ANKS1B: variants seen among roughly 807,000 people sequenced by gnomAD.
ANKS1B encodes the protein ankyrin repeat and sterile alpha motif domain-containing protein 1B.
Under a neutral mutation model 148.3 loss-of-function variants are expected in ANKS1B, and 36 were observed. The observed-to-expected ratio is 0.24, with a 90% CI of 0.19 to 0.32. The LOEUF is 0.32. Ranked by LOEUF, ANKS1B falls within the 10% of genes least tolerant of loss-of-function variation. The pLI is 1.00. For synonymous variants in ANKS1B, 542 were observed against 560.8 expected (o/e 0.97, Z 0.47); for missense variants, 1,157 against 1,542.6 (o/e 0.75, Z 4.19).
At chr12:99,864,079 CAAAA>C (rs11445634) in intron 1 of ANKS1B, among the ~76,000 whole-genome samples, 13 of 65,288 alleles carry the variant, frequency 2.0e-4, no homozygotes, top group African/African-American at 7.6e-4. Flanking sequence ...GACTACATCT[CAAAA>C]AAAAAAAAAA....
chr12:99,713,671 T>A (rs1266240006), intron 8 of ANKS1B, among the ~76,000 whole-genome samples: 1 of 152,202 alleles, frequency 6.6e-6, no homozygotes. Flanking sequence ...CCTATTTCTA[T>A]AGTTTATTTA....
At chr12:99,269,464 C>T (rs917751992) in intron 12 of ANKS1B, among the ~76,000 whole-genome samples, 3 of 151,822 alleles carry the variant, frequency 2.0e-5, no homozygotes, top group African/African-American at 7.3e-5. Context: ...TAAACAGACC[C>T]TCAGAATTCT....
rs376466159 is a variant in ANKS1B, at chr12:99,726,054, C to T, written c.1128+46868G>A. ...GAAAGCTAGAAAGATCTCAAATCGA[C>T]ACCCTAACCTCACAATTAAAAGAGC... On this transcript the variant is annotated intron_variant, in intron 8 of 26. Transcript: ENST00000683438. Among the ~76,000 whole-genome samples, 16 of 152,260 alleles carry T rather than the reference C, an allele frequency of 1.1e-4. No individual in the cohort carries two copies. The East Asian group carries it at 1.5e-3, about 15-fold the overall frequency.
chr12:99,575,979 C>A (rs950169703), intron 9 of ANKS1B, among the ~76,000 whole-genome samples: 1 of 151,962 alleles, frequency 6.6e-6, no homozygotes, highest in East Asian at 1.9e-4. Flanking sequence ...ATAAGTAAGA[C>A]CCAGCTATGT....
chr12:98,843,592 T>G (rs930712962), intron 17 of ANKS1B, among the ~76,000 whole-genome samples: 1 of 152,216 alleles, frequency 6.6e-6, no homozygotes, highest in Non-Finnish European at 1.5e-5. Context: ...ACAAAGCGAC[T>G]GGAGTCAGAA....
chr12:99,084,421 G>A (rs1487379698), intron 16 of ANKS1B, among the ~76,000 whole-genome samples: 1 of 152,068 alleles, frequency 6.6e-6, no homozygotes, highest in Non-Finnish European at 1.5e-5. Context: ...CATTTTTCTA[G>A]GTAAATCTCA....
At chr12:98,964,435 C>T (rs959808187) in intron 17 of ANKS1B, among the ~76,000 whole-genome samples, 11 of 152,124 alleles carry the variant, frequency 7.2e-5, no homozygotes, top group African/African-American at 2.4e-4. Context: ...ATCCAGTAAT[C>T]CCACTGCTAG....
intron 5 of ANKS1B, among the ~76,000 whole-genome samples, chr12:99,780,583 ACCCTATGG>A (rs1391586210): frequency 6.6e-6 from 1 of 152,070 alleles, no homozygotes; most frequent in African/African-American, 2.4e-5. Flanking sequence ...CGCCCGGCTG[ACCCTATGG>A]TATCTTTGGG....
intron 10 of ANKS1B, among the ~76,000 whole-genome samples, chr12:99,493,587 T>C (rs1343433168): frequency 6.6e-6 from 1 of 152,178 alleles, no homozygotes; most frequent in African/African-American, 2.4e-5. Flanking sequence ...TACTGTTTAT[T>C]CCAGCTAAAA....
intron 1 of ANKS1B, among the ~76,000 whole-genome samples, chr12:99,906,195 C>G (rs2093775259): frequency 6.6e-6 from 1 of 152,114 alleles, no homozygotes; most frequent in Non-Finnish European, 1.5e-5. Flanking sequence ...GGTATTGACC[C>G]TAAAAGACAT....
At chr12:98,855,555 T>C (rs1226590133) in intron 17 of ANKS1B, among the ~76,000 whole-genome samples, 1 of 152,254 alleles carries the variant, frequency 6.6e-6, no homozygotes, top group African/African-American at 2.4e-5. Flanking sequence ...GTACCTGGAA[T>C]ACAGTAGGTA....
At chr12:99,625,246 G>A (rs562321762) in intron 9 of ANKS1B, among the ~76,000 whole-genome samples, 25 of 152,188 alleles carry the variant, frequency 1.6e-4, no homozygotes, top group African/African-American at 6.0e-4. Flanking sequence ...GAGGGAAGGA[G>A]AGAGGTGGGT....
intron 1 of ANKS1B, among the ~76,000 whole-genome samples, chr12:99,868,986 G>A (rs2153725680): frequency 6.6e-6 from 1 of 152,282 alleles, no homozygotes; most frequent in African/African-American, 2.4e-5. Flanking sequence ...GAACTCGGGA[G>A]GCAGAGGTTG....
chr12:98,830,801 C>T (rs1049317937), intron 18 of ANKS1B, among the ~76,000 whole-genome samples: 9 of 152,176 alleles, frequency 5.9e-5, no homozygotes, highest in Admixed American at 4.6e-4. Context: ...CAGTGACTGC[C>T]GGCCACTTCT....
chr12:99,646,585 C>T lies in ANKS1B; in HGVS notation c.1272+8482G>A, dbSNP rs1458682308. On this transcript the variant is annotated intron_variant, in intron 9 of 26. Transcript: ENST00000683438. ...AGGAGAATCACTTGAACCCAGGAGGCGGAGGTTGCAGTGAGCCAAGATCAC... is the reference window on the plus strand; with the variant it reads ...AGGAGAATCACTTGAACCCAGGAGGTGGAGGTTGCAGTGAGCCAAGATCAC... Among the ~76,000 whole-genome samples, 4 of 130,448 alleles carry T rather than the reference C, an allele frequency of 3.1e-5. No individual in the cohort carries two copies. The Admixed American group carries it at 3.7e-4, about 12-fold the overall frequency. 85.6% of individuals were successfully genotyped at this position (130,448 alleles called of 152,430 possible). A position where few individuals can be genotyped will look rare whatever the true frequency, so the allele number is the denominator to read the frequency against.
intron 9 of ANKS1B, among the ~76,000 whole-genome samples, chr12:99,559,700 A>T (rs1311921663): frequency 6.6e-6 from 1 of 152,248 alleles, no homozygotes; most frequent in East Asian, 1.9e-4. Flanking sequence ...AAATTAGGTA[A>T]CCTGTACAAA....
intron 14 of ANKS1B, among the ~76,000 whole-genome samples, chr12:99,172,233 G>A (rs918104578): frequency 6.6e-6 from 1 of 152,136 alleles, no homozygotes; most frequent in Admixed American, 6.6e-5. Context: ...AGAAATGGAG[G>A]CAGGATAAGT....
chr12:99,602,536 G>GCAC (rs2097811178), intron 9 of ANKS1B, among the ~76,000 whole-genome samples: 1 of 152,060 alleles, frequency 6.6e-6, no homozygotes, highest in South Asian at 2.1e-4. Flanking sequence ...GTATCTTCAG[G>GCAC]TGAAGACAGT....
At chr12:99,739,756 T>A (rs540031264) in intron 8 of ANKS1B, among the ~76,000 whole-genome samples, 1 of 152,176 alleles carries the variant, frequency 6.6e-6, no homozygotes, top group South Asian at 2.1e-4. Context: ...GGAATATTCA[T>A]TCCTCAGATA....
Sources: gnomAD v4.1 joint callset for allele counts (sites outside exome capture counted in the v4.1 genomes callset) on GRCh38, gnomAD v4.1.1 for gene constraint, MANE v1.5 for transcripts, NCBI Gene and HGNC (gene_info 2026-07-23, HGNC 2026-07-21) for gene names.